The following TMEM108 variants were observed in gnomAD, a reference collection of about 807,000 sequenced individuals.
TMEM108 encodes the protein transmembrane protein 108, also known as cancer/testis antigen 124.
In TMEM108, 12 loss-of-function variants were observed where a neutral mutation model predicts 35.1. The observed-to-expected ratio is 0.34, with a 90% CI of 0.22 to 0.55. TMEM108 has a LOEUF of 0.55. TMEM108 is among the 20% of genes least tolerant of loss of function. The pLI is 0.89. For missense variants in TMEM108, 680 were observed against 753.3 expected, an observed-to-expected ratio of 0.90 and a Z score of 1.14; for synonymous variants, 287 against 308.6, an observed-to-expected ratio of 0.93 and a Z score of 0.73.
intron 3 of TMEM108, among the ~76,000 whole-genome samples, chr3:133,274,060 C>G (rs78957710): frequency 0.014 from 2,176 of 152,260 alleles, 63 homozygotes; most frequent in African/African-American, 0.05. Flanking sequence ...CTATGTGACT[C>G]CTAGGCCAAG....
At chr3:133,290,656 C>T (rs1032508803) in intron 3 of TMEM108, among the ~76,000 whole-genome samples, 52 of 151,454 alleles carry the variant, frequency 3.4e-4, no homozygotes, top group African/African-American at 1.2e-3. Context: ...AACAAAAAAA[C>T]CGATTCAGAA....
intron 4 of TMEM108, chr3:133,387,078 C>T (rs2073163259): frequency 2.0e-6 from 2 of 985,434 alleles, no homozygotes; most frequent in African/African-American, 3.5e-5. Flanking sequence ...GTTCTAACCC[C>T]TAGGTGGAGC....
intron 3 of TMEM108, among the ~76,000 whole-genome samples, chr3:133,335,239 G>A (rs2071469396): frequency 6.6e-6 from 1 of 152,090 alleles, no homozygotes; most frequent in South Asian, 2.1e-4. Flanking sequence ...TTAAAACAAA[G>A]CATAGCCATG....
intron 2 of TMEM108, among the ~76,000 whole-genome samples, chr3:133,050,777 A>T (rs4854684): frequency 0.4 from 60,796 of 151,102 alleles, 12,765 homozygotes; most frequent in Admixed American, 0.51. Flanking sequence ...GCCTTTTCAG[A>T]TTGGCTTATT....
At chr3:133,255,045 A>G (rs796358476) in intron 3 of TMEM108, among the ~76,000 whole-genome samples, 4 of 152,342 alleles carry the variant, frequency 2.6e-5, no homozygotes, top group African/African-American at 9.6e-5. Context: ...GGGTGTGTGC[A>G]GAGAGAACCA....
At chr3:133,267,235 T>G (rs139834716) in intron 3 of TMEM108, among the ~76,000 whole-genome samples, 1 of 152,180 alleles carries the variant, frequency 6.6e-6, no homozygotes, top group Admixed American at 6.5e-5. Context: ...CAAAATGATA[T>G]AGTCCTCTGC....
chr3:133,060,723 T>C (rs1265868445), intron 2 of TMEM108, among the ~76,000 whole-genome samples: 1 of 152,184 alleles, frequency 6.6e-6, no homozygotes. Flanking sequence ...TTTGGCAAGA[T>C]ACATAAAAGT....
Position 133,330,988 on chromosome 3 carries a change from A to C in TMEM108, c.41-48764A>C, listed in dbSNP as rs544613495. Among the ~76,000 whole-genome samples, 4 of 152,298 alleles carry C rather than the reference A, an allele frequency of 2.6e-5. No homozygotes were observed. The South Asian group carries it at 8.3e-4, about 32-fold the overall frequency. On this transcript the variant is annotated intron_variant, in intron 3 of 5. Coordinates refer to ENST00000321871, the MANE Select transcript of TMEM108 (RefSeq NM_023943.4). ...GATGGAATTTACCTTAAAACAACAT[A>C]GGAGAGGAGGGACGGGGATGGGGAT...
At chr3:133,043,703 T>G (rs1465651302) in intron 1 of TMEM108, among the ~76,000 whole-genome samples, 1 of 152,076 alleles carries the variant, frequency 6.6e-6, no homozygotes, top group Non-Finnish European at 1.5e-5. Flanking sequence ...GTAGTACACC[T>G]CATGTTCAAC....
chr3:133,134,299 A>C (rs1475423148), intron 2 of TMEM108, among the ~76,000 whole-genome samples: 2 of 152,080 alleles, frequency 1.3e-5, no homozygotes, highest in African/African-American at 2.4e-5. Context: ...TCAATATTCT[A>C]TATATGTTCT....
In TMEM108 at chr3:133,345,970, ATTTCT is replaced by A. The variant is rs542252103; in HGVS notation, c.41-33778_41-33774del. 3.0e-3 allele frequency among the ~76,000 whole-genome samples: 450 copies of A among 152,026 alleles called. 2 individuals are homozygous for A. The highest frequency in any genetic ancestry group is 0.017 in the Middle Eastern group (5 of 294). Reference sequence around the variant, plus strand: ...ACGTCTTTTTGTGCTTTGATAACTCATTTCTTTTTATTGCTGAATAATATTTCATC... The same window carrying A: ...ACGTCTTTTTGTGCTTTGATAACTCATTTTATTGCTGAATAATATTTCATC... On this transcript the variant is annotated intron_variant, in intron 3 of 5. Coordinates refer to ENST00000321871, the MANE Select transcript of TMEM108 (RefSeq NM_023943.4).
intron 2 of TMEM108, among the ~76,000 whole-genome samples, chr3:133,183,517 A>G (rs1274638787): frequency 6.6e-6 from 1 of 152,170 alleles, no homozygotes; most frequent in Non-Finnish European, 1.5e-5. Flanking sequence ...GATATGATGT[A>G]AAAAGAAAGG....
intron 2 of TMEM108, among the ~76,000 whole-genome samples, chr3:133,163,064 C>T (rs775344431): frequency 2.6e-5 from 4 of 152,164 alleles, no homozygotes; most frequent in Non-Finnish European, 4.4e-5. Flanking sequence ...TAACTTCATG[C>T]CTGTCAGTTC....
intron 3 of TMEM108, among the ~76,000 whole-genome samples, chr3:133,292,094 G>A (rs1488185099): frequency 6.6e-6 from 1 of 152,182 alleles, no homozygotes; most frequent in East Asian, 1.9e-4. Flanking sequence ...AGATGATTCT[G>A]TTAGAAAACA....
intron 2 of TMEM108, among the ~76,000 whole-genome samples, chr3:133,180,926 G>C (rs1388577972): frequency 3.6e-5 from 5 of 138,220 alleles, no homozygotes; most frequent in Non-Finnish European, 7.6e-5. Context: ...TTCACTCTTA[G>C]ATTTTTAACA....
intron 2 of TMEM108, among the ~76,000 whole-genome samples, chr3:133,158,263 A>T (rs949161804): frequency 6.6e-6 from 1 of 151,878 alleles, no homozygotes; most frequent in African/African-American, 2.4e-5. Flanking sequence ...AGGTCAAGAA[A>T]TCGAGACCAT....
chr3:133,221,940 A>T (rs1945999034), intron 2 of TMEM108, among the ~76,000 whole-genome samples: 1 of 152,150 alleles, frequency 6.6e-6, no homozygotes, highest in Non-Finnish European at 1.5e-5. Flanking sequence ...CATACTAAAG[A>T]TAAAGGTGAT....
chr3:133,382,376 G>A (rs1292305274), intron 4 of TMEM108, among the ~76,000 whole-genome samples: 1 of 152,230 alleles, frequency 6.6e-6, no homozygotes, highest in Non-Finnish European at 1.5e-5. Context: ...TGAAACATTT[G>A]AAACAGCTCT....
chr3:133,237,889 A>G (rs1229868803), intron 3 of TMEM108, among the ~76,000 whole-genome samples: 1 of 152,228 alleles, frequency 6.6e-6, no homozygotes, highest in Non-Finnish European at 1.5e-5. Flanking sequence ...AACTTTTAAT[A>G]TAGTAAATAC....
Sources: allele counts gnomAD v4.1 joint callset (sites outside exome capture counted in the v4.1 genomes callset), GRCh38; gene constraint gnomAD v4.1.1; transcripts MANE v1.5; gene names NCBI Gene and HGNC (gene_info 2026-07-23, HGNC 2026-07-21).